Variants in RUFY2 observed in about 807,000 individuals in gnomAD.
RUFY2 encodes the protein RUN and FYVE domain-containing protein 2.
Under a neutral mutation model 94.4 loss-of-function variants are expected in RUFY2, and 49 were observed. The ratio of observed to expected loss-of-function variants is 0.52; its 90% confidence interval spans 0.41 to 0.66. The LOEUF is 0.66. Among genes scored for constraint, RUFY2 ranks in the 30% least tolerant of loss-of-function variants. The pLI is 0.00. For missense variants in RUFY2, 541 were observed against 692.8 expected, an observed-to-expected ratio of 0.78 and a Z score of 2.46; for synonymous variants, 255 against 235.7, an observed-to-expected ratio of 1.08 and a Z score of -0.75.
Position 68,343,449 on chromosome 10 carries a change from CTCTT to C in RUFY2, c.*2315_*2318del, listed in dbSNP as rs938424015. The C allele has an allele frequency of 1.1e-4, 17 of 152,654 alleles. No individual in the cohort carries two copies. The highest frequency in any genetic ancestry group is 3.1e-4 in the African/African-American group (13 of 41,550). 9.5% of individuals were successfully genotyped at this position (152,654 alleles called of 1,614,324 possible). On this transcript the variant is annotated 3_prime_UTR_variant, in exon 18 of 18. Coordinates refer to ENST00000602465, the MANE Select transcript of RUFY2 (RefSeq NM_001330103.2). ...TGTGTTTTATTTTCCCAGGATTACT[CTCTT>C]AACATCTTAAAGCAGTAAAAGTATA...
chr10:68,378,526 C>A (rs1294035529), intron 12 of RUFY2: 1 of 1,481,760 alleles, frequency 6.7e-7, no homozygotes, highest in Non-Finnish European at 9.0e-7. Context: ...ATTGTTGATT[C>A]TCTTTTCATT....
downstream of RUFY2, chr10:68,341,349 G>T: frequency 6.4e-7 from 1 of 1,572,420 alleles, no homozygotes; most frequent in Non-Finnish European, 8.6e-7. Flanking sequence ...TTTCCTAAAC[G>T]TGAATTTATA....
chr10:68,368,047 C>G (rs1215222799), intron 13 of RUFY2, among the ~76,000 whole-genome samples: 3 of 150,776 alleles, frequency 2.0e-5, no homozygotes, highest in Non-Finnish European at 4.4e-5. Flanking sequence ...CGCACTGCAA[C>G]CTCCGCCTCC....
intron 16 of RUFY2, among the ~76,000 whole-genome samples, chr10:68,352,139 T>C (rs1437423400): frequency 6.6e-6 from 1 of 152,104 alleles, no homozygotes; most frequent in Non-Finnish European, 1.5e-5. Context: ...TTTTCAAATT[T>C]TGGTAGAGAC....
chr10:68,384,200 A>AAAC, intron 8 of RUFY2, 48 bp from the exon 9 acceptor site: 1 of 1,550,762 alleles, frequency 6.4e-7, no homozygotes, highest in Non-Finnish European at 8.7e-7. Context: ...ACACCCTTAT[A>AAAC]CTTGCTTTGC....
rs1423481655 is a variant in RUFY2, at chr10:68,381,348, G to A, written c.991C>T (p.Leu331Phe). 2.5e-6 allele frequency: 4 copies of A among 1,613,836 alleles called. No homozygotes were observed. Among genetic ancestry groups the A allele is most frequent in the East Asian group, 4.5e-5 (2 of 44,862 alleles). Reference protein sequence around the residue: ...VQVSMKHEIELAMKLLEKDIH... With the variant: ...VQVSMKHEIEFAMKLLEKDIH... ...TCTTTCTCCAGCAACTTCATGGCAAGTTCAATCTCATGCTTCATACTAACT... is the reference window on the plus strand; with the variant it reads ...TCTTTCTCCAGCAACTTCATGGCAAATTCAATCTCATGCTTCATACTAACT... Residue 331 changes from leucine (L) to phenylalanine (F), a missense_variant, in exon 11 of 18, where the codon CTT (leucine) becomes TTT (phenylalanine). Transcript: ENST00000602465.
intron 13 of RUFY2, among the ~76,000 whole-genome samples, chr10:68,372,445 T>C (rs2048344497): frequency 6.6e-6 from 1 of 152,128 alleles, no homozygotes; most frequent in Admixed American, 6.5e-5. Context: ...GCTGGCATGG[T>C]GGCACATGCC....
intron 13 of RUFY2, among the ~76,000 whole-genome samples, chr10:68,367,149 CA>C (rs879284701): frequency 6.4e-4 from 90 of 140,898 alleles, no homozygotes; most frequent in Admixed American, 5.7e-4. Flanking sequence ...GCCTGGGTGA[CA>C]AAAAAAAAAA....
intron 1 of RUFY2, chr10:68,406,671 C>CCCTG: frequency 7.7e-7 from 1 of 1,303,954 alleles, no homozygotes; most frequent in Non-Finnish European, 1.0e-6. Context: ...AGAGCCCCTT[C>CCCTG]CCTGCCTCTC....
intron 15 of RUFY2, among the ~76,000 whole-genome samples, chr10:68,356,920 G>C (rs1301012099): frequency 6.6e-6 from 1 of 151,678 alleles, no homozygotes; most frequent in East Asian, 2.0e-4. Context: ...AGCACTTTGG[G>C]AGACAGAGGT....
At chr10:68,367,225 T>C (rs1011471460) in intron 13 of RUFY2, among the ~76,000 whole-genome samples, 1 of 152,132 alleles carries the variant, frequency 6.6e-6, no homozygotes, top group Non-Finnish European at 1.5e-5. Context: ...ACCTATGCTT[T>C]TGTCAAACAC....
chr10:68,366,213 G>A (rs947436426), intron 13 of RUFY2, among the ~76,000 whole-genome samples: 3 of 150,444 alleles, frequency 2.0e-5, no homozygotes, highest in African/African-American at 7.3e-5. Context: ...CATAATTCCA[G>A]CTACTACTTG....
At chr10:68,355,850 C>CCAA (rs2132380204) in intron 15 of RUFY2, among the ~76,000 whole-genome samples, 1 of 148,032 alleles carries the variant, frequency 6.8e-6, no homozygotes, top group Non-Finnish European at 1.5e-5. Flanking sequence ...GGAGGCGGAG[C>CCAA]TTGCAGTGAG....
At chr10:68,347,001 C>G (rs1215805395) in intron 16 of RUFY2, among the ~76,000 whole-genome samples, 1 of 152,020 alleles carries the variant, frequency 6.6e-6, no homozygotes, top group Non-Finnish European at 1.5e-5. Flanking sequence ...AGCCCATAGT[C>G]CCAGCTACTC....
At chr10:68,355,110 G>A (rs939324155) in intron 16 of RUFY2, among the ~76,000 whole-genome samples, 4 of 152,108 alleles carry the variant, frequency 2.6e-5, no homozygotes. Context: ...GCCTCCCAAA[G>A]AGCTCGGATT....
At chr10:68,379,588 T>C (rs957919106) in intron 11 of RUFY2, 67 bp from the exon 12 acceptor site, 8 of 1,127,806 alleles carry the variant, frequency 7.1e-6, no homozygotes, top group East Asian at 2.5e-5. Context: ...TGTGTGTGTG[T>C]GCGTGTTTTT....
At chr10:68,378,413 A>C in intron 12 of RUFY2, 2 of 1,251,728 alleles carry the variant, frequency 1.6e-6, no homozygotes, top group South Asian at 7.0e-5. Flanking sequence ...GCTTGATGGC[A>C]GTGTATTACC....
Position 68,394,456 on chromosome 10 carries a change from G to A in RUFY2, c.399-5C>T. ...GCGTGATACTCATAAAACTCACTGT[G>A]AAAATTTAAAAAATAAGGACTTTAA... On this transcript the variant is annotated splice_polypyrimidine_tract_variant and splice_region_variant and intron_variant, in intron 4 of 17. Transcript: ENST00000602465. The A allele has an allele frequency of 6.2e-7, 1 of 1,600,280 alleles. No individual in the cohort carries two copies. The highest frequency in any genetic ancestry group is 8.5e-7 in the Non-Finnish European group (1 of 1,170,320).
At chr10:68,342,121 A>C (rs547631140), downstream of RUFY2, 12 of 1,127,364 alleles carry the variant, frequency 1.1e-5, no homozygotes, top group East Asian at 2.8e-4. Context: ...TTACAGATTT[A>C]ATTTCTTTTG....
Sources: gnomAD v4.1 joint callset for allele counts (sites outside exome capture counted in the v4.1 genomes callset) on GRCh38, gnomAD v4.1.1 for gene constraint, MANE v1.5 for transcripts, NCBI Gene and HGNC (gene_info 2026-07-23, HGNC 2026-07-21) for gene names.